GRM3: variants seen among roughly 807,000 people sequenced by gnomAD.
GRM3 encodes glutamate metabotropic receptor 3, also known as metabotropic glutamate receptor 3.
Under a neutral mutation model 70.5 loss-of-function variants are expected in GRM3, and 26 were observed. The ratio of observed to expected loss-of-function variants is 0.37; its 90% confidence interval spans 0.27 to 0.51. The LOEUF (loss-of-function observed/expected upper bound fraction) is 0.51, where lower values mean the gene tolerates loss of function less well. Ranked by LOEUF, GRM3 falls within the 20% of genes least tolerant of loss-of-function variation. The pLI, the probability that GRM3 is intolerant of heterozygous loss-of-function variation, is 0.93. For synonymous variants in GRM3, 443 were observed against 434.9 expected, an observed-to-expected ratio of 1.02 and a Z score of -0.23; for missense variants, 859 against 1,123.8, an observed-to-expected ratio of 0.76 and a Z score of 3.37.
intron 3 of GRM3, among the ~76,000 whole-genome samples, chr7:86,831,971 T>C (rs1371653632): frequency 6.6e-6 from 1 of 152,176 alleles, no homozygotes; most frequent in Non-Finnish European, 1.5e-5. Context: ...AAGGCTTCAG[T>C]GATTTTGTTC....
intron 3 of GRM3, among the ~76,000 whole-genome samples, chr7:86,825,184 C>G (rs1454554142): frequency 6.6e-6 from 1 of 152,180 alleles, no homozygotes; most frequent in Non-Finnish European, 1.5e-5. Flanking sequence ...ATGTTTAGCT[C>G]CCGCTTATAA....
At chr7:86,646,016 T>TGG (rs1562811332) in intron 1 of GRM3, among the ~76,000 whole-genome samples, 6 of 9,894 alleles carry the variant, frequency 6.1e-4, no homozygotes, top group African/African-American at 1.3e-3. Context: ...TGGGGGGGGG[T>TGG]GGGAGGGAGT....
At chr7:86,679,963 T>C (rs1055681623) in intron 1 of GRM3, among the ~76,000 whole-genome samples, 5 of 152,144 alleles carry the variant, frequency 3.3e-5, no homozygotes, top group African/African-American at 1.2e-4. Flanking sequence ...CACAATATTC[T>C]TTAGGAAATT....
chr7:86,758,185 TA>T (rs1796393639), intron 1 of GRM3, among the ~76,000 whole-genome samples: 1 of 152,150 alleles, frequency 6.6e-6, no homozygotes, highest in African/African-American at 2.4e-5. Flanking sequence ...TGAAATTATA[TA>T]AAAAGGGACT....
intron 1 of GRM3, among the ~76,000 whole-genome samples, chr7:86,666,805 G>C (rs1421881481): frequency 6.6e-6 from 1 of 152,036 alleles, no homozygotes; most frequent in Non-Finnish European, 1.5e-5. Flanking sequence ...AACCCCTGGT[G>C]AGCAGGTTCT....
chr7:86,681,831 A>G (rs1458216494), intron 1 of GRM3, among the ~76,000 whole-genome samples: 2 of 152,206 alleles, frequency 1.3e-5, no homozygotes, highest in African/African-American at 2.4e-5. Context: ...CAAAGAAATA[A>G]TAACCCACTT....
chr7:86,804,762 T>C (rs1042180826), intron 3 of GRM3, among the ~76,000 whole-genome samples: 6 of 152,174 alleles, frequency 3.9e-5, no homozygotes, highest in African/African-American at 7.2e-5. Context: ...CTTCTGTTTC[T>C]GGGGAAAAAT....
At chr7:86,813,914 T>A (rs1040070648) in intron 3 of GRM3, among the ~76,000 whole-genome samples, 8 of 151,778 alleles carry the variant, frequency 5.3e-5, no homozygotes, top group African/African-American at 1.9e-4. Context: ...TATAGAGGAA[T>A]TGGCACCCAG....
At chr7:86,762,130 T>C (rs1392382199) in intron 1 of GRM3, among the ~76,000 whole-genome samples, 1 of 152,166 alleles carries the variant, frequency 6.6e-6, no homozygotes, top group Non-Finnish European at 1.5e-5. Context: ...TTGCCTTCCA[T>C]GGCAGTTTTT....
chr7:86,857,196 T>G (rs949198877), intron 5 of GRM3, among the ~76,000 whole-genome samples: 1 of 151,902 alleles, frequency 6.6e-6, no homozygotes, highest in Admixed American at 6.6e-5. Context: ...TCTTGTTCTA[T>G]CAGCATGGGT....
Position 86,804,963 on chromosome 7 carries a change from A to C in GRM3, c.1324+17847A>C, listed in dbSNP as rs189968773. 1.4e-3 allele frequency among the ~76,000 whole-genome samples: 212 copies of C among 151,982 alleles called. 1 individual carries two copies. The highest frequency in any genetic ancestry group is 0.013 in the Admixed American group (196 of 15,264). ...CCCAACTCTACAAATTTTTTTTCTT[A>C]ATTAACTGGGCATGGTGGAGCATGC... On this transcript the variant is annotated intron_variant, in intron 3 of 5. Transcript: ENST00000361669.
At chr7:86,657,665 G>C (rs1234652359) in intron 1 of GRM3, among the ~76,000 whole-genome samples, 1 of 152,156 alleles carries the variant, frequency 6.6e-6, no homozygotes, top group Non-Finnish European at 1.5e-5. Context: ...AGCACAATGT[G>C]AAGATAAATA....
intron 1 of GRM3, among the ~76,000 whole-genome samples, chr7:86,656,435 G>T (rs1793747318): frequency 6.6e-6 from 1 of 151,552 alleles, no homozygotes; most frequent in Admixed American, 6.6e-5. Context: ...CGGCTGGCTA[G>T]TTTTTGTATT....
intron 3 of GRM3, among the ~76,000 whole-genome samples, chr7:86,827,475 AAGT>A (rs1460409198): frequency 5.3e-5 from 8 of 152,140 alleles, no homozygotes; most frequent in Non-Finnish European, 8.8e-5. Context: ...TATATCTGAA[AAGT>A]AGTCATATCT....
In GRM3 at chr7:86,679,185, A is replaced by G. The variant is rs1302973548; in HGVS notation, c.-141+34313A>G. Among the ~76,000 whole-genome samples the G allele has an allele frequency of 2.6e-5, 4 of 152,096 alleles. 1 individual carries two copies. The highest frequency in any genetic ancestry group is 2.6e-4 in the Admixed American group (4 of 15,234). On this transcript the variant is annotated intron_variant, in intron 1 of 5. Coordinates refer to ENST00000361669, the MANE Select transcript of GRM3 (RefSeq NM_000840.3). ...TATTAGTGATCAGGATAATGAATAC[A>G]TAAGTGACAGGCATATCATATCTGT...
At chr7:86,809,657 A>T (rs2116651279) in intron 3 of GRM3, among the ~76,000 whole-genome samples, 1 of 152,176 alleles carries the variant, frequency 6.6e-6, no homozygotes, top group East Asian at 1.9e-4. Context: ...ACAATTATTG[A>T]AGCATCATTC....
chr7:86,798,525 A>G (rs1409125567), intron 3 of GRM3, among the ~76,000 whole-genome samples: 1 of 152,160 alleles, frequency 6.6e-6, no homozygotes, highest in Non-Finnish European at 1.5e-5. Context: ...TGTGTATAAC[A>G]AATGCCTGTA....
intron 1 of GRM3, among the ~76,000 whole-genome samples, chr7:86,679,703 T>C (rs561699329): frequency 1.5e-4 from 23 of 152,158 alleles, no homozygotes; most frequent in African/African-American, 5.5e-4. Context: ...ATCCCCTTGA[T>C]CATCTCCATC....
chr7:86,742,852 A>G (rs1433160742), intron 1 of GRM3, among the ~76,000 whole-genome samples: 2 of 152,170 alleles, frequency 1.3e-5, no homozygotes, highest in Non-Finnish European at 2.9e-5. Flanking sequence ...TTCTATAGTT[A>G]TAAATTTTAG....
Sources: gnomAD v4.1 joint callset for allele counts (sites outside exome capture counted in the v4.1 genomes callset) on GRCh38, gnomAD v4.1.1 for gene constraint, MANE v1.5 for transcripts, NCBI Gene and HGNC (gene_info 2026-07-23, HGNC 2026-07-21) for gene names.